Variants in NUB1 observed in about 807,000 individuals in gnomAD.
The protein encoded by NUB1 is negative regulator of ubiquitin like proteins 1, also known as NEDD8 ultimate buster 1.
In NUB1, 41 loss-of-function variants were observed where a neutral mutation model predicts 77.1. That is an observed-to-expected ratio of 0.53 (90% CI 0.41 to 0.69). The LOEUF (loss-of-function observed/expected upper bound fraction) is 0.69. NUB1 is among the 30% of genes least tolerant of loss of function. NUB1 has a pLI of 0.00. For synonymous variants in NUB1, 257 were observed against 281.0 expected, an observed-to-expected ratio of 0.91 and a Z score of 0.85; for missense variants, 643 against 743.8, an observed-to-expected ratio of 0.86 and a Z score of 1.58.
rs1798347754 is a variant in NUB1 at position 151,377,304 on chromosome 7, T to C, written c.*79T>C. ...AAGGCTAATGCAGCTCTTTCTGTTC[T>C]TACTTTTTATCTGAATTACAAGTCC... On this transcript the variant is annotated 3_prime_UTR_variant, in exon 15 of 15. Coordinates refer to ENST00000568733, the MANE Select transcript of NUB1 (RefSeq NM_001243351.2). 4 of 1,030,962 alleles carry C rather than the reference T, an allele frequency of 3.9e-6. No homozygotes were observed. Among genetic ancestry groups the C allele is most frequent in the Non-Finnish European group, 5.5e-6 (4 of 729,828 alleles). The allele number at this position is 1,030,962 out of a possible 1,614,324, so 63.9% of individuals were successfully genotyped here.
At chr7:151,374,540 G>A (rs574569506) in intron 12 of NUB1, 39 of 462,032 alleles carry the variant, frequency 8.4e-5, no homozygotes, top group African/African-American at 4.5e-4. Context: ...AGAGTTTAGT[G>A]AAACAGGCAG....
In NUB1 at chr7:151,376,623, C is replaced by G. The variant is rs1426238566; in HGVS notation, c.1492-11C>G. ...AGGGGCTGATGCTGTGACCCCTGCGCTCTCCCCTAGTTGGTGTACATGGGT... is the reference window on the plus strand; with the variant it reads ...AGGGGCTGATGCTGTGACCCCTGCGGTCTCCCCTAGTTGGTGTACATGGGT... On this transcript the variant is annotated splice_polypyrimidine_tract_variant and intron_variant, in intron 13 of 14. Coordinates refer to ENST00000568733, the MANE Select transcript of NUB1 (RefSeq NM_001243351.2). 2.0e-5 allele frequency: 32 copies of G among 1,599,282 alleles called. No individual in the cohort carries two copies. Among genetic ancestry groups the G allele is most frequent in the Non-Finnish European group, 2.2e-5 (26 of 1,170,934 alleles).
intron 12 of NUB1, 170 bp downstream of exon 12, chr7:151,374,413 A>C (rs1488529298): frequency 1.2e-6 from 1 of 818,672 alleles, no homozygotes; most frequent in Admixed American, 2.1e-5. Flanking sequence ...AGGCTGCGTG[A>C]GGCCACGTGA....
In NUB1 at chr7:151,375,344, C is replaced by T. The variant is rs984167963; in HGVS notation, c.1396-504C>T. ...GGTCTCAAAATAGATGTGAATTATACGAGTGGCACAAAAATACTTCCAGTC... is the reference window on the plus strand; with the variant it reads ...GGTCTCAAAATAGATGTGAATTATATGAGTGGCACAAAAATACTTCCAGTC... On this transcript the variant is annotated intron_variant, in intron 12 of 14. Transcript: ENST00000568733. Among the ~76,000 whole-genome samples, 6 of 152,120 alleles carry T rather than the reference C, an allele frequency of 3.9e-5. No homozygotes were observed. The South Asian group carries it at 8.3e-4, about 21-fold the overall frequency.
At chr7:151,347,597 A>G (rs1028027891) in intron 2 of NUB1, among the ~76,000 whole-genome samples, 4 of 152,102 alleles carry the variant, frequency 2.6e-5, no homozygotes, top group Non-Finnish European at 5.9e-5. Context: ...AGCTGGGACT[A>G]CAGGTGCATG....
chr7:151,362,297 G>A (rs1410868401), intron 8 of NUB1, among the ~76,000 whole-genome samples: 3 of 152,042 alleles, frequency 2.0e-5, no homozygotes, highest in Non-Finnish European at 2.9e-5. Context: ...TGGCCAACTT[G>A]TTAGCATATT....
At chr7:151,344,729 T>G (rs1022123830) in intron 1 of NUB1, among the ~76,000 whole-genome samples, 3 of 152,186 alleles carry the variant, frequency 2.0e-5, no homozygotes, top group African/African-American at 4.8e-5. Context: ...TGAGAGAATT[T>G]ACAAGCTCAC....
chr7:151,350,162 C>G (rs1462225726), intron 3 of NUB1, among the ~76,000 whole-genome samples: 1 of 152,262 alleles, frequency 6.6e-6, no homozygotes, highest in Non-Finnish European at 1.5e-5. Flanking sequence ...CTGCTGCTAT[C>G]TAGAAGGCGG....
chr7:151,371,805 G>A (rs567751284), intron 11 of NUB1, among the ~76,000 whole-genome samples: 8 of 152,170 alleles, frequency 5.3e-5, no homozygotes, highest in Non-Finnish European at 2.9e-5. Context: ...GGGCAGTGGC[G>A]TGATTATGGC....
intron 13 of NUB1, 81 bp from the exon 14 acceptor site, chr7:151,376,553 C>A: frequency 1.5e-6 from 2 of 1,328,240 alleles, no homozygotes; most frequent in Non-Finnish European, 2.0e-6. Flanking sequence ...ACATGAGAGT[C>A]GGCTGTCCAC....
At chr7:151,352,472 C>G in intron 4 of NUB1, 1 of 291,056 alleles carries the variant, frequency 3.4e-6, no homozygotes, top group African/African-American at 2.2e-5. Flanking sequence ...GAGACAGGAT[C>G]TTGCTCTGTC....
At position 151,376,806 on chromosome 7, in the gene NUB1, C is replaced by A. The variant is rs372775125; in HGVS notation, c.1664C>A (p.Ser555Tyr). The change falls in exon 14 of 15, where the codon TCC (serine) becomes TAC (tyrosine). Residue 555 changes from serine to tyrosine, a missense_variant. Coordinates refer to ENST00000568733, the MANE Select transcript of NUB1 (RefSeq NM_001243351.2). ...CCGCCAGCCACGTCCCCTTCTGACT[C>A]CGCAGGTAGGTCTGAGGTCTTTGAG... ...LSPPATSPSD[S>Y]AGTSSASTDE... The A allele has an allele frequency of 6.3e-7, 1 of 1,581,962 alleles. No homozygotes were observed. The highest frequency in any genetic ancestry group is 1.8e-5 in the Admixed American group (1 of 54,368).
chr7:151,344,640 T>TC (rs1796394111), intron 1 of NUB1, among the ~76,000 whole-genome samples: 1 of 151,898 alleles, frequency 6.6e-6, no homozygotes, highest in Non-Finnish European at 1.5e-5. Flanking sequence ...ATCGATAGTT[T>TC]ACAGTTCAAG....
At chr7:151,377,014 T>A (rs1005112350) in intron 14 of NUB1, 33 bp from the exon 15 acceptor site, 41 of 1,498,518 alleles carry the variant, frequency 2.7e-5, no homozygotes, top group Non-Finnish European at 3.7e-5. Flanking sequence ...AATCCTCACA[T>A]AATTCACTTA....
At chr7:151,354,291 C>T (rs1167201928) in intron 5 of NUB1, among the ~76,000 whole-genome samples, 1 of 147,950 alleles carries the variant, frequency 6.8e-6, no homozygotes, top group Non-Finnish European at 1.5e-5. Context: ...TTGTTGCAGT[C>T]TTAAAATCTG....
intron 7 of NUB1, 29 bp from the exon 8 acceptor site, chr7:151,360,112 A>G (rs944177577): frequency 9.4e-7 from 1 of 1,066,096 alleles, no homozygotes; most frequent in Admixed American, 2.1e-5. Context: ...TTTTAAAGTG[A>G]TGTTTTTTAA....
intron 1 of NUB1, 27 bp downstream of exon 1, chr7:151,341,873 CG>C: frequency 6.7e-7 from 1 of 1,486,956 alleles, no homozygotes; most frequent in Non-Finnish European, 8.9e-7. Flanking sequence ...CGAGTGTCCT[CG>C]ACCCCAGCCT....
chr7:151,345,649 C>T (rs1398625439), intron 2 of NUB1, among the ~76,000 whole-genome samples, 183 bp downstream of exon 2: 2 of 152,196 alleles, frequency 1.3e-5, no homozygotes, highest in African/African-American at 4.8e-5. Flanking sequence ...ATTTTATTCA[C>T]ATGAGGATGT....
intron 3 of NUB1, 50 bp from the exon 4 acceptor site, chr7:151,351,374 C>T: frequency 7.2e-7 from 1 of 1,398,220 alleles, no homozygotes; most frequent in Non-Finnish European, 1.0e-6. Context: ...GGTAATCTCT[C>T]CAAAATGGGT....
Sources: allele counts gnomAD v4.1 joint callset (sites outside exome capture counted in the v4.1 genomes callset), GRCh38; gene constraint gnomAD v4.1.1; transcripts MANE v1.5; gene names NCBI Gene and HGNC (gene_info 2026-07-23, HGNC 2026-07-21).